Variants in USP35 observed in about 807,000 individuals in gnomAD.
USP35 encodes ubiquitin specific peptidase 35.
A neutral mutation model predicts 83.8 loss-of-function variants in USP35; 69 were observed. That is an observed-to-expected ratio of 0.82 (90% CI 0.68 to 1.01). The LOEUF (loss-of-function observed/expected upper bound fraction) is 1.01, where lower values mean the gene tolerates loss of function less well. USP35 is among the 50% of genes least tolerant of loss of function. The pLI, the probability that USP35 is intolerant of heterozygous loss-of-function variation, is 0.00. For synonymous variants in USP35, 714 were observed against 589.5 expected (o/e 1.21, Z -3.06); for missense variants, 1,503 against 1,362.5 (o/e 1.10, Z -1.62).
chr11:78,198,106 C>A, intron 3 of USP35, 38 bp downstream of exon 3: 2 of 1,612,126 alleles, frequency 1.2e-6, no homozygotes, highest in Non-Finnish European at 1.7e-6. Context: ...AGGGCTGGGG[C>A]CCCTCCCTCT....
the USP35 span, among the ~76,000 whole-genome samples, chr11:78,231,336 G>GTGGTGTGTGTGTGTGTGTGT: frequency 6.2e-5 from 9 of 145,796 alleles, no homozygotes; most frequent in African/African-American, 2.1e-4. Context: ...GCGCGTGTGT[G>GTGGTGTGTGTGTGTGTGTGT]GTGTGTGTGT....
chr11:78,236,905 T>C, the USP35 span, among the ~76,000 whole-genome samples: 2 of 152,224 alleles, frequency 1.3e-5, no homozygotes, highest in Non-Finnish European at 2.9e-5. Context: ...CAGACACATA[T>C]AGATATACAC....
At chr11:78,221,847 C>G in the USP35 span, 1 of 1,134,194 alleles carries the variant, frequency 8.8e-7, no homozygotes, top group South Asian at 1.3e-5. Context: ...TAGCCTCCAG[C>G]TGGGCCCTGA....
intron 6 of USP35, among the ~76,000 whole-genome samples, chr11:78,204,138 C>T (rs1392344960): frequency 1.3e-5 from 2 of 152,016 alleles, no homozygotes; most frequent in Non-Finnish European, 2.9e-5. Context: ...GATCCGCCCG[C>T]CTCGGCCTCC....
At chr11:78,203,893 T>TTC (rs1863445322) in intron 6 of USP35, among the ~76,000 whole-genome samples, 3 of 127,382 alleles carry the variant, frequency 2.4e-5, no homozygotes, top group Admixed American at 1.6e-4. Flanking sequence ...TTTTCTTTTC[T>TTC]TTTTTTTTTT....
chr11:78,222,109 C>T, the USP35 span: 7 of 1,605,338 alleles, frequency 4.4e-6, no homozygotes, highest in Non-Finnish European at 6.0e-6. Flanking sequence ...ACTTACTTGG[C>T]CCTAGACCAA....
Position 78,196,280 on chromosome 11 carries a change from C to G in USP35, c.35C>G (p.Ser12Ter). The change falls in exon 2 of 11, where the codon TCA becomes TGA. Residue 12 changes from serine (S) to a stop codon, truncating the protein, a stop_gained. Coordinates refer to ENST00000529308, the MANE Select transcript of USP35 (RefSeq NM_020798.4). LOFTEE classifies it high-confidence loss of function. The surrounding 1 kb of genome is among the most constrained non-coding windows in gnomAD (Gnocchi z 4.8). Reference sequence around the variant, plus strand: ...ATCTTGGAGGCGGTGGTGACGTCGTCATACCCGGTCAGCGTGAAGCAGGGG... The same window carrying G: ...ATCTTGGAGGCGGTGGTGACGTCGTGATACCCGGTCAGCGTGAAGCAGGGG... ...DKILEAVVTSSYPVSVKQGLV... is the reference protein window; with the variant it reads ...DKILEAVVTS 1.9e-6 allele frequency: 3 copies of G among 1,595,510 alleles called. No homozygotes were observed. The highest frequency in any genetic ancestry group is 2.5e-6 in the Non-Finnish European group (3 of 1,177,800).
chr11:78,198,143 G>A, intron 3 of USP35, 75 bp downstream of exon 3: 1 of 1,594,890 alleles, frequency 6.3e-7, no homozygotes, highest in Non-Finnish European at 8.5e-7. Flanking sequence ...CCTTCTCCTG[G>A]GTGGGCCGCT....
rs1864046084 is a variant in USP35, at chr11:78,215,000, T to A, written c.*1187T>A. On this transcript the variant is annotated 3_prime_UTR_variant, in exon 11 of 11. Transcript: ENST00000529308. ...CAGGGGCTGCCTGCTGTGATGGTGG[T>A]GTGGAGTTTGGGCCCAATGTCACAG... 6.6e-6 allele frequency among the ~76,000 whole-genome samples: 1 copy of A among 152,078 alleles called. No individual in the cohort carries two copies. Among genetic ancestry groups the A allele is most frequent in the South Asian group, 2.1e-4 (1 of 4,832 alleles).
rs541989661 is a variant in USP35 at position 78,210,631 on chromosome 11, C to T, written c.2776C>T (p.Arg926Trp). The T allele has an allele frequency of 2.5e-5, 40 of 1,614,120 alleles. No individual in the cohort carries two copies. Among genetic ancestry groups the T allele is most frequent in the Admixed American group, 1.0e-4 (6 of 60,018 alleles). Residue 926 changes from arginine to tryptophan, a missense_variant, in exon 10 of 11, where the codon CGG becomes TGG. By Grantham distance (101) the Arg-to-Trp change is moderately radical. Coordinates refer to ENST00000529308, the MANE Select transcript of USP35 (RefSeq NM_020798.4). Reference sequence around the variant, plus strand: ...AGCCTATGTGCTGTTTTACCGGCAGCGGCCCAGGGAGGGGCCCGAGGCTGA... The same window carrying T: ...AGCCTATGTGCTGTTTTACCGGCAGTGGCCCAGGGAGGGGCCCGAGGCTGA... ...DTAYVLFYRQ[R>W]PREGPEAELG... is the part of the protein sequence containing the mutation.
the USP35 span, among the ~76,000 whole-genome samples, chr11:78,233,040 G>GCTTTTTTTT: frequency 7.6e-6 from 1 of 132,006 alleles, no homozygotes; most frequent in Non-Finnish European, 1.6e-5. Context: ...GCACTGTTAA[G>GCTTTTTTTT]TTTTTTTTTT....
In USP35 at chr11:78,210,006, G is replaced by T. The variant is rs1863688488; in HGVS notation, c.2151G>T (p.Glu717Asp). The change falls in exon 10 of 11, where the codon GAG (glutamate) becomes GAT (aspartate). Residue 717 changes from glutamate (E) to aspartate (D), a missense_variant. By Grantham distance (45) the Glu-to-Asp change is conservative (BLOSUM62 2). Coordinates refer to ENST00000529308, the MANE Select transcript of USP35 (RefSeq NM_020798.4). ...AGGAGGAGGTGGAAGAGGAAGAAGA[G>T]AAGGTGGAGAAGGAGACAGAAAAGG... Reference protein sequence around the residue: ...EKEEEVEEEEEKVEKETEKEA... With the variant: ...EKEEEVEEEEDKVEKETEKEA... 6.2e-7 allele frequency: 1 copy of T among 1,613,222 alleles called. No individual in the cohort carries two copies. Among genetic ancestry groups the T allele is most frequent in the African/African-American group, 1.3e-5 (1 of 74,776 alleles).
At chr11:78,226,279 A>G in the USP35 span, among the ~76,000 whole-genome samples, 1,419 of 152,346 alleles carry the variant, frequency 9.3e-3, 21 homozygotes, top group African/African-American at 0.032. Flanking sequence ...TACTACTAAC[A>G]GCCTCCAGTG....
rs1864037659 is a variant in USP35 at position 78,214,880 on chromosome 11, A to G, written c.*1067A>G. Among the ~76,000 whole-genome samples, 1 of 137,112 alleles carries G rather than the reference A, an allele frequency of 7.3e-6. No homozygotes were observed. Among genetic ancestry groups the G allele is most frequent in the Non-Finnish European group, 1.5e-5 (1 of 65,648 alleles). 90.0% of individuals were successfully genotyped at this position (137,112 alleles called of 152,430 possible). ...GGGGTGTAAGTAAACGTGTGGACTGACTGACTTACTTACCTTACTGAGGGC... is the reference window on the plus strand; with the variant it reads ...GGGGTGTAAGTAAACGTGTGGACTGGCTGACTTACTTACCTTACTGAGGGC... On this transcript the variant is annotated 3_prime_UTR_variant, in exon 11 of 11. Transcript: ENST00000529308.
chr11:78,212,042 T>C (rs754573008), intron 10 of USP35, among the ~76,000 whole-genome samples: 7 of 152,274 alleles, frequency 4.6e-5, no homozygotes, highest in Non-Finnish European at 8.8e-5. Flanking sequence ...TGGTATTTCC[T>C]AGATTTTCTT....
intron 6 of USP35, among the ~76,000 whole-genome samples, chr11:78,203,942 G>C (rs1191576866): frequency 7.2e-6 from 1 of 138,166 alleles, no homozygotes; most frequent in Non-Finnish European, 1.5e-5. Flanking sequence ...CCAGGCTGGA[G>C]TGCAGTGGCG....
At chr11:78,208,273 G>A (rs1370093068) in intron 8 of USP35, among the ~76,000 whole-genome samples, 1 of 152,186 alleles carries the variant, frequency 6.6e-6, no homozygotes, top group East Asian at 1.9e-4. Context: ...CTTTTTGGAG[G>A]ACACAGTCAC....
In USP35 at chr11:78,209,437, C is replaced by T. The variant is rs1383602774; in HGVS notation, c.1593-11C>T. The T allele has an allele frequency of 1.3e-6, 2 of 1,584,634 alleles. No individual in the cohort carries two copies. The highest frequency in any genetic ancestry group is 1.3e-5 in the African/African-American group (1 of 74,358). ...CATGTACATGTAGTGACTCTGTGCTCTCTGCCCCAGGCTGCACGAAGAGGA... is the reference window on the plus strand; with the variant it reads ...CATGTACATGTAGTGACTCTGTGCTTTCTGCCCCAGGCTGCACGAAGAGGA... On this transcript the variant is annotated splice_polypyrimidine_tract_variant and intron_variant, in intron 9 of 10. Coordinates refer to ENST00000529308, the MANE Select transcript of USP35 (RefSeq NM_020798.4).
At chr11:78,211,570 A>G (rs545150927) in intron 10 of USP35, among the ~76,000 whole-genome samples, 8 of 152,292 alleles carry the variant, frequency 5.3e-5, no homozygotes, top group East Asian at 1.9e-4. Flanking sequence ...ACTCCCACCA[A>G]CAGTGTAAAG....
Sources: allele counts gnomAD v4.1 joint callset (sites outside exome capture counted in the v4.1 genomes callset), GRCh38; gene constraint gnomAD v4.1.1; non-coding constraint Gnocchi (gnomAD v3.1); transcripts MANE v1.5; gene names NCBI Gene and HGNC (gene_info 2026-07-23, HGNC 2026-07-21).